CDK6: variants seen among roughly 807,000 people sequenced by gnomAD.
CDK6 encodes the protein cyclin-dependent kinase 6.
CDK6 carries 6 observed loss-of-function variants against 37.1 expected under a neutral mutation model. The ratio of observed to expected loss-of-function variants is 0.16; its 90% confidence interval spans 0.09 to 0.32. CDK6 has a LOEUF of 0.32. Ranked by LOEUF, CDK6 falls within the 10% of genes least tolerant of loss-of-function variation. CDK6 has a pLI of 1.00. For missense variants in CDK6, 224 were observed against 418.9 expected, an observed-to-expected ratio of 0.53 and a Z score of 4.06; for synonymous variants, 160 against 161.3, an observed-to-expected ratio of 0.99 and a Z score of 0.06.
rs1298484474 is a variant in CDK6 at position 92,610,089 on chromosome 7, C to A, written c.*5051G>T. ...TCAGATTTGTTTTTCTCTAAAAGTG[C>A]CACCTTGTGGAATATACCGGAATAA... On this transcript the variant is annotated 3_prime_UTR_variant, in exon 8 of 8. Coordinates refer to ENST00000424848, the MANE Select transcript of CDK6 (RefSeq NM_001145306.2). 4.3e-6 allele frequency: 1 copy of A among 230,012 alleles called. No homozygotes were observed. The highest frequency in any genetic ancestry group is 2.2e-5 in the African/African-American group (1 of 45,198). 14.2% of individuals were successfully genotyped at this position (230,012 alleles called of 1,614,324 possible).
At chr7:92,707,826 C>T (rs934403344) in intron 4 of CDK6, among the ~76,000 whole-genome samples, 1 of 152,156 alleles carries the variant, frequency 6.6e-6, no homozygotes, top group Non-Finnish European at 1.5e-5. Flanking sequence ...CAATCTCTGG[C>T]CTCAAGAACA....
At chr7:92,668,767 G>A (rs949009936) in intron 5 of CDK6, among the ~76,000 whole-genome samples, 4 of 152,164 alleles carry the variant, frequency 2.6e-5, no homozygotes, top group Admixed American at 6.5e-5. Flanking sequence ...TCTGGCATAA[G>A]TAAGAAGCAT....
At chr7:92,629,563 C>T (rs1364441796) in intron 5 of CDK6, among the ~76,000 whole-genome samples, 1 of 152,138 alleles carries the variant, frequency 6.6e-6, no homozygotes, top group Non-Finnish European at 1.5e-5. Flanking sequence ...GTCAACTTTA[C>T]ATATGACTAA....
At chr7:92,769,941 C>G (rs1424710066) in intron 3 of CDK6, among the ~76,000 whole-genome samples, 1 of 151,964 alleles carries the variant, frequency 6.6e-6, no homozygotes, top group Non-Finnish European at 1.5e-5. Flanking sequence ...TTATCACGTA[C>G]TCTAAAAGAA....
intron 5 of CDK6, among the ~76,000 whole-genome samples, chr7:92,632,933 C>CTT (rs397889657): frequency 4.2e-4 from 46 of 108,814 alleles, no homozygotes; most frequent in Middle Eastern, 5.2e-3. Context: ...CTCTAAAGAT[C>CTT]TTTTTTTTTT....
At chr7:92,661,198 T>G (rs1027594686) in intron 5 of CDK6, among the ~76,000 whole-genome samples, 1 of 152,152 alleles carries the variant, frequency 6.6e-6, no homozygotes. Flanking sequence ...GCAGCTTAAG[T>G]GTCAGGAGGA....
chr7:92,783,372 G>C (rs1464239510), intron 2 of CDK6, among the ~76,000 whole-genome samples: 1 of 152,184 alleles, frequency 6.6e-6, no homozygotes, highest in Non-Finnish European at 1.5e-5. Flanking sequence ...AGTGGAAAAG[G>C]ACAGGGATGT....
In CDK6 at chr7:92,607,014, A is replaced by T; in HGVS notation, c.*8126T>A. The T allele has an allele frequency of 4.3e-6, 1 of 233,250 alleles. No homozygotes were observed. Among genetic ancestry groups the T allele is most frequent in the Non-Finnish European group, 8.5e-6 (1 of 117,970 alleles). 14.4% of individuals were successfully genotyped at this position (233,250 alleles called of 1,614,324 possible). On this transcript the variant is annotated 3_prime_UTR_variant, in exon 8 of 8. Coordinates refer to ENST00000424848, the MANE Select transcript of CDK6 (RefSeq NM_001145306.2). The stretch of plus-strand genomic sequence containing the variant: ...CCTTTTATTTTATAATAAATTATAC[A>T]GGCAATCCTTGCTTTTTATTACCAC...
At chr7:92,650,676 C>T (rs185400535) in intron 5 of CDK6, among the ~76,000 whole-genome samples, 58 of 152,218 alleles carry the variant, frequency 3.8e-4, no homozygotes, top group African/African-American at 1.3e-3. Flanking sequence ...CAATCTCATA[C>T]GTGATTGTTG....
intron 2 of CDK6, among the ~76,000 whole-genome samples, chr7:92,784,173 T>C (rs1386141591): frequency 6.6e-6 from 1 of 151,954 alleles, no homozygotes; most frequent in Non-Finnish European, 1.5e-5. Context: ...AGGGGCAAAA[T>C]CCTACTTGGA....
intron 2 of CDK6, among the ~76,000 whole-genome samples, chr7:92,805,189 G>C (rs1800693275): frequency 6.6e-6 from 1 of 152,134 alleles, no homozygotes; most frequent in Non-Finnish European, 1.5e-5. Context: ...ATGAGTTGGA[G>C]ACTGAATCAT....
chr7:92,627,667 G>A (rs1435453838), intron 5 of CDK6, among the ~76,000 whole-genome samples: 1 of 151,972 alleles, frequency 6.6e-6, no homozygotes, highest in Non-Finnish European at 1.5e-5. Flanking sequence ...AATGGGTATG[G>A]CGTTTCTTTT....
At chr7:92,745,310 T>G (rs2115652917) in intron 3 of CDK6, among the ~76,000 whole-genome samples, 1 of 152,362 alleles carries the variant, frequency 6.6e-6, no homozygotes, top group Non-Finnish European at 1.5e-5. Context: ...AGTCCTGCTC[T>G]TTCACATCCT....
chr7:92,675,997 ATAT>A (rs1175491073), intron 4 of CDK6, among the ~76,000 whole-genome samples: 1 of 151,896 alleles, frequency 6.6e-6, no homozygotes, highest in Non-Finnish European at 1.5e-5. Flanking sequence ...AAGTTTAGCC[ATAT>A]TATTTATATA....
intron 2 of CDK6, among the ~76,000 whole-genome samples, chr7:92,825,484 A>ACG (rs1554419613): frequency 1.3e-5 from 2 of 151,560 alleles, no homozygotes; most frequent in African/African-American, 2.4e-5. Flanking sequence ...ACACACACAC[A>ACG]CCCCAACCAT....
At chr7:92,678,139 T>C (rs921314991) in intron 4 of CDK6, among the ~76,000 whole-genome samples, 2 of 152,230 alleles carry the variant, frequency 1.3e-5, no homozygotes, top group Non-Finnish European at 2.9e-5. Flanking sequence ...AAGTTCTGTT[T>C]AATAATTCTA....
intron 2 of CDK6, among the ~76,000 whole-genome samples, chr7:92,821,263 T>C (rs915103659): frequency 1.3e-5 from 2 of 152,056 alleles, no homozygotes; most frequent in Non-Finnish European, 2.9e-5. Context: ...CCAACCAACT[T>C]GCATGAACCA....
intron 2 of CDK6, among the ~76,000 whole-genome samples, chr7:92,832,223 A>C (rs1244067167): frequency 2.6e-5 from 4 of 152,220 alleles, no homozygotes; most frequent in Admixed American, 2.0e-4. Context: ...GATCACTAAG[A>C]AAACACCATT....
At position 92,833,326 on chromosome 7, in the gene CDK6, C is replaced by G. The variant is rs1309630213; in HGVS notation, c.-3G>C. On this transcript the variant is annotated 5_prime_UTR_variant, in exon 2 of 8. Coordinates refer to ENST00000424848, the MANE Select transcript of CDK6 (RefSeq NM_001145306.2). This position sits in a 1 kb window ranked among gnomAD's most constrained non-coding sequence, Gnocchi z 6.1. ...CGGCACAGGCCGTCCTTCTCCATGC[C>G]GCCTGGACGCCGCCCGCCGCGGCGC... 1.9e-5 allele frequency: 30 copies of G among 1,563,606 alleles called. No homozygotes were observed. Among genetic ancestry groups the G allele is most frequent in the Non-Finnish European group, 2.6e-5 (30 of 1,158,000 alleles).
Sources: allele counts gnomAD v4.1 joint callset (sites outside exome capture counted in the v4.1 genomes callset), GRCh38; gene constraint gnomAD v4.1.1; non-coding constraint Gnocchi (gnomAD v3.1); transcripts MANE v1.5; gene names NCBI Gene and HGNC (gene_info 2026-07-23, HGNC 2026-07-21).